Variants in MXRA7 observed in about 807,000 individuals in gnomAD.
The protein encoded by MXRA7 is matrix-remodeling-associated protein 7.
A neutral mutation model predicts 17.4 loss-of-function variants in MXRA7; 18 were observed. The observed-to-expected ratio is 1.03, with a 90% confidence interval of 0.71 to 1.53. The LOEUF is 1.53. MXRA7 is among the 40% of genes most tolerant of loss of function. The pLI is 0.00. For synonymous variants in MXRA7, 70 were observed against 101.7 expected, an observed-to-expected ratio of 0.69 and a Z score of 1.87; for missense variants, 141 against 209.3, an observed-to-expected ratio of 0.67 and a Z score of 2.01.
downstream of MXRA7, among the ~76,000 whole-genome samples, chr17:76,679,023 A>T (rs974397491): frequency 6.6e-6 from 1 of 152,184 alleles, no homozygotes; most frequent in African/African-American, 2.4e-5. Context: ...GGTCAGGTGC[A>T]GTGGCTCATG....
intron 2 of MXRA7, among the ~76,000 whole-genome samples, chr17:76,687,727 C>T (rs954943428): frequency 5.3e-5 from 8 of 152,146 alleles, no homozygotes; most frequent in Non-Finnish European, 1.2e-4. Context: ...GAAGAAGGCA[C>T]GGGGGAGGCC....
chr17:76,704,119 AGAT>A (rs1260795335), intron 1 of MXRA7, among the ~76,000 whole-genome samples: 1 of 151,688 alleles, frequency 6.6e-6, no homozygotes, highest in African/African-American at 2.4e-5. Context: ...GAGAAAAAGA[AGAT>A]AGCATTGCTT....
chr17:76,705,407 C>T (rs1001370964), intron 1 of MXRA7, among the ~76,000 whole-genome samples: 2 of 152,214 alleles, frequency 1.3e-5, no homozygotes, highest in Non-Finnish European at 2.9e-5. Flanking sequence ...ATTTTATGTT[C>T]TACCTTTTTA....
At chr17:76,705,533 C>T (rs62085148) in intron 1 of MXRA7, among the ~76,000 whole-genome samples, 46,472 of 152,092 alleles carry the variant, frequency 0.31, 7,929 homozygotes, top group Non-Finnish European at 0.39. Flanking sequence ...ATATTTGTGT[C>T]CCCTGCAAAT....
chr17:76,674,746 T>TC, downstream of MXRA7: 1 of 152,310 alleles, frequency 6.6e-6, no homozygotes, highest in Non-Finnish European at 1.5e-5. Context: ...ATCATGCTGG[T>TC]CCCATGTCCT....
intron 3 of MXRA7, chr17:76,683,894 C>G (rs750068207): frequency 6.2e-7 from 1 of 1,614,110 alleles, no homozygotes; most frequent in Non-Finnish European, 8.5e-7. Flanking sequence ...AAGGAACTTG[C>G]TACAGGGAAG....
At chr17:76,697,872 A>T (rs2076548445) in intron 1 of MXRA7, among the ~76,000 whole-genome samples, 1 of 151,046 alleles carries the variant, frequency 6.6e-6, no homozygotes, top group Admixed American at 6.6e-5. Context: ...GCGTGATGCA[A>T]AGTGCTGAAG....
At chr17:76,706,796 G>A (rs551694436) in intron 1 of MXRA7, among the ~76,000 whole-genome samples, 1 of 152,356 alleles carries the variant, frequency 6.6e-6, no homozygotes, top group African/African-American at 2.4e-5. Context: ...TGGCTTCTTT[G>A]TTCCAACATT....
intron 1 of MXRA7, among the ~76,000 whole-genome samples, chr17:76,708,244 G>T (rs562882092): frequency 5.3e-4 from 80 of 152,318 alleles, no homozygotes; most frequent in Middle Eastern, 6.8e-3. Flanking sequence ...GCCCCAGCCC[G>T]CCCAGGCCTC....
At chr17:76,677,603 C>T (rs2143554882), downstream of MXRA7, 1 of 1,611,338 alleles carries the variant, frequency 6.2e-7, no homozygotes, top group Non-Finnish European at 8.5e-7. Context: ...TGTCGTAGAG[C>T]CGGAGCTGCT....
chr17:76,701,433 G>A (rs1331475442), intron 1 of MXRA7, among the ~76,000 whole-genome samples: 1 of 152,038 alleles, frequency 6.6e-6, no homozygotes, highest in African/African-American at 2.4e-5. Flanking sequence ...TCAGCGTGTT[G>A]GGCTGAGGTG....
intron 1 of MXRA7, among the ~76,000 whole-genome samples, chr17:76,698,367 G>A (rs150954134): frequency 3.3e-5 from 5 of 152,142 alleles, no homozygotes; most frequent in Admixed American, 6.5e-5. Context: ...AATGGGCGGG[G>A]GGGGAGCAGC....
chr17:76,686,160 A>G (rs2076394214), intron 2 of MXRA7, among the ~76,000 whole-genome samples: 1 of 152,216 alleles, frequency 6.6e-6, no homozygotes, highest in Non-Finnish European at 1.5e-5. Flanking sequence ...GGTGAAAGGA[A>G]GAAGGTTCTA....
intron 2 of MXRA7, among the ~76,000 whole-genome samples, chr17:76,687,807 G>A (rs772253541): frequency 3.4e-4 from 52 of 152,210 alleles, no homozygotes; most frequent in Non-Finnish European, 7.2e-4. Context: ...TGTACAGCGC[G>A]GTCACAAAAG....
At chr17:76,684,020 G>T in intron 3 of MXRA7, 1 of 1,024,250 alleles carries the variant, frequency 9.8e-7, no homozygotes, top group Non-Finnish European at 1.6e-6. Flanking sequence ...CTTCCTCCTG[G>T]CTGTGCTTAC....
intron 2 of MXRA7, 124 bp downstream of exon 2, chr17:76,687,989 C>G (rs2076420668): frequency 1.0e-6 from 1 of 962,532 alleles, no homozygotes; most frequent in South Asian, 1.6e-5. Context: ...ATGCCCCACT[C>G]AGGCCACTGT....
intron 1 of MXRA7, 75 bp downstream of exon 1, chr17:76,710,530 T>C: frequency 1.7e-6 from 2 of 1,165,492 alleles, no homozygotes; most frequent in Non-Finnish European, 1.1e-6. Context: ...CCCCGCTCCC[T>C]GGCTCGGCGG....
At chr17:76,702,908 A>G (rs1657316897) in intron 1 of MXRA7, among the ~76,000 whole-genome samples, 1 of 65,056 alleles carries the variant, frequency 1.5e-5, no homozygotes, top group African/African-American at 5.0e-5. Context: ...AGGCCTCACC[A>G]TAGGAAGAAC....
At chr17:76,700,949 C>T (rs7212823) in intron 1 of MXRA7, among the ~76,000 whole-genome samples, 62,466 of 151,548 alleles carry the variant, frequency 0.41, 13,480 homozygotes, top group Middle Eastern at 0.51. Flanking sequence ...CTGATGTGGG[C>T]GCAGGGCTGG....
Sources: allele counts gnomAD v4.1 joint callset (sites outside exome capture counted in the v4.1 genomes callset), GRCh38; gene constraint gnomAD v4.1.1; transcripts MANE v1.5; gene names NCBI Gene and HGNC (gene_info 2026-07-23, HGNC 2026-07-21).